Variants in FABP1 observed in about 807,000 individuals in gnomAD.
FABP1 encodes fatty acid-binding protein, liver.
A neutral mutation model predicts 13.7 loss-of-function variants in FABP1; 13 were observed. That is an observed-to-expected ratio of 0.95 (90% CI 0.62 to 1.51). The LOEUF is 1.51. Ranked by LOEUF, FABP1 falls within the 40% of genes most tolerant of loss-of-function variation. The pLI, the probability that FABP1 is intolerant of heterozygous loss-of-function variation, is 0.00. For synonymous variants in FABP1, 48 were observed against 59.8 expected, an observed-to-expected ratio of 0.80 and a Z score of 0.91; for missense variants, 140 against 155.7, an observed-to-expected ratio of 0.90 and a Z score of 0.54.
chr2:88,127,470 C>CA (rs1207049560), intron 1 of FABP1, among the ~76,000 whole-genome samples: 21 of 152,180 alleles, frequency 1.4e-4, no homozygotes, highest in African/African-American at 5.1e-4. Flanking sequence ...TGGGGTATTG[C>CA]ATATCCCATG....
chr2:88,124,448 C>T (rs766646623), intron 3 of FABP1, 46 bp downstream of exon 3: 12 of 1,450,420 alleles, frequency 8.3e-6, no homozygotes, highest in Middle Eastern at 1.8e-4. Flanking sequence ...CCTCCCCTCT[C>T]CCCTCAAGCA....
At chr2:88,126,547 C>G (rs913813381) in intron 1 of FABP1, 199 bp from the exon 2 acceptor site, 1 of 530,566 alleles carries the variant, frequency 1.9e-6, no homozygotes, top group African/African-American at 1.9e-5. Context: ...CCTGGCCTGG[C>G]CTGCTGCTAT....
intron 2 of FABP1, among the ~76,000 whole-genome samples, 163 bp from the exon 3 acceptor site, chr2:88,124,749 G>A (rs1170936911): frequency 6.6e-6 from 1 of 152,084 alleles, no homozygotes; most frequent in Non-Finnish European, 1.5e-5. Context: ...TAGAAGTGAG[G>A]TGCATTTAAG....
At chr2:88,127,822 C>T in intron 1 of FABP1, 129 bp downstream of exon 1, 1 of 935,626 alleles carries the variant, frequency 1.1e-6, no homozygotes, top group Non-Finnish European at 1.7e-6. Flanking sequence ...AGTAAAATGC[C>T]CCCTAGTTTG....
At position 88,124,509 on chromosome 2, in the gene FABP1, GC is replaced by G; in HGVS notation, c.317del (p.Gly106AlafsTer3). On this transcript the variant is annotated frameshift_variant, in exon 3 of 4. Coordinates refer to ENST00000295834, the MANE Select transcript of FABP1 (RefSeq NM_001443.3). LOFTEE classifies it high-confidence loss of function. ...ACCAACTTACATTGGTGATTATGTC[GC>G]CGTTGAGTTCGGTCACAGACTTGAT... ...KNIKSVTELNGDIITNTMTLG... is the reference protein window; with the variant it reads ...KNIKSVTELNXDIITNTMTLG... 6.2e-7 allele frequency: 1 copy of G among 1,606,234 alleles called. No homozygotes were observed.
At chr2:88,126,716 C>A (rs188875821) in intron 1 of FABP1, 54 of 182,594 alleles carry the variant, frequency 3.0e-4, no homozygotes, top group African/African-American at 1.2e-3. Context: ...CCCTGGTGAC[C>A]AGAGAGTTGA....
At position 88,126,282 on chromosome 2, in the gene FABP1, C is replaced by A. The variant is rs1290112984; in HGVS notation, c.134G>T (p.Gly45Val). ...IKGVSEIVQN[G>V]KHFKFTITAG... ...GGTGATGGTGAACTTGAAGTGCTTC[C>A]CATTCTGCACGATTTCCGACACCCC... The change falls in exon 2 of 4, where the codon GGG (glycine) becomes GTG (valine). Residue 45 changes from glycine (G) to valine (V), a missense_variant. Gly to Val is a moderately radical substitution (Grantham distance 109). Transcript: ENST00000295834. 6.2e-7 allele frequency: 1 copy of A among 1,613,964 alleles called. No homozygotes were observed. The highest frequency in any genetic ancestry group is 1.1e-5 in the South Asian group (1 of 91,048).
intron 1 of FABP1, 113 bp downstream of exon 1, chr2:88,127,838 A>G (rs1457415916): frequency 9.1e-7 from 1 of 1,093,028 alleles, no homozygotes; most frequent in Non-Finnish European, 1.4e-6. Flanking sequence ...GTTTGTGTAT[A>G]TAGCCTGAAT....
chr2:88,126,467 G>T, intron 1 of FABP1, 119 bp from the exon 2 acceptor site: 1 of 1,052,532 alleles, frequency 9.5e-7, no homozygotes, highest in South Asian at 1.5e-5. Context: ...TGTCTCCCAA[G>T]GGGCCACAGA....
intron 2 of FABP1, among the ~76,000 whole-genome samples, chr2:88,125,632 C>G (rs1675282337): frequency 6.6e-6 from 1 of 152,184 alleles, no homozygotes; most frequent in African/African-American, 2.4e-5. Flanking sequence ...TCTTATTTTA[C>G]AGATGGGGTG....
chr2:88,128,014 T>C lies in FABP1; in HGVS notation c.4A>G (p.Ser2Gly). 6.2e-7 allele frequency: 1 copy of C among 1,614,132 alleles called. No individual in the cohort carries two copies. Among genetic ancestry groups the C allele is most frequent in the Non-Finnish European group, 8.5e-7 (1 of 1,180,004 alleles). Residue 2 changes from serine (S) to glycine (G), a missense_variant, in exon 1 of 4, where the codon AGT becomes GGT. Coordinates refer to ENST00000295834, the MANE Select transcript of FABP1 (RefSeq NM_001443.3). ...TGCAGTTGGTACTTGCCGGAGAAAC[T>C]CATGGTGGCAATAGAGCTCCCTCTT... The part of the protein sequence containing the change: M[S>G]FSGKYQLQSQ...
chr2:88,124,432 G>T, intron 3 of FABP1, 62 bp downstream of exon 3: 2 of 1,317,046 alleles, frequency 1.5e-6, no homozygotes, highest in Non-Finnish European at 2.2e-6. Flanking sequence ...CGCTCCCCAT[G>T]CTTCACCTCC....
intron 1 of FABP1, chr2:88,126,621 C>T (rs1055197056): frequency 2.7e-5 from 9 of 331,270 alleles, no homozygotes; most frequent in African/African-American, 1.4e-4. Flanking sequence ...CTTGTAAGCA[C>T]CCTGGTTCTT....
rs1043010036 is a variant in FABP1, at chr2:88,122,990, T to A, written c.*64A>T. ...AAGGCATTGAGAAGACATTTTTTTT[T>A]AAAACAAAGTTCACTTTATTACATT... On this transcript the variant is annotated 3_prime_UTR_variant, in exon 4 of 4. Coordinates refer to ENST00000295834, the MANE Select transcript of FABP1 (RefSeq NM_001443.3). The A allele has an allele frequency of 4.0e-5, 55 of 1,375,596 alleles. No homozygotes were observed. Among genetic ancestry groups the A allele is most frequent in the Admixed American group, 1.5e-4 (7 of 47,960 alleles). The allele number at this position is 1,375,596 out of a possible 1,614,324, so 85.2% of individuals were successfully genotyped here. A position where few individuals can be genotyped will look rare whatever the true frequency, so the allele number is the denominator to read the frequency against.
Position 88,126,160 on chromosome 2 carries a change from A to G in FABP1, c.240+16T>C, listed in dbSNP as rs1270513009. 6.3e-7 allele frequency: 1 copy of G among 1,590,878 alleles called. No homozygotes were observed. The highest frequency in any genetic ancestry group is 8.6e-7 in the Non-Finnish European group (1 of 1,162,146). On this transcript the variant is annotated intron_variant, in intron 2 of 3. Transcript: ENST00000295834. ...TTCCAAGGAAAGTTCTGACAGCAGA[A>G]GGGATGCCCTCCTACCTTGACTTTC...
chr2:88,127,659 T>C (rs1412555421), intron 1 of FABP1, among the ~76,000 whole-genome samples: 3 of 152,176 alleles, frequency 2.0e-5, no homozygotes, highest in Admixed American at 6.5e-5. Flanking sequence ...CACTGTTTGT[T>C]TGAAGAATGA....
Position 88,123,327 on chromosome 2 carries a change from A to G in FABP1, c.334-223T>C, listed in dbSNP as rs912183193. 3 of 545,536 alleles carry G rather than the reference A, an allele frequency of 5.5e-6. No individual in the cohort carries two copies. In the African/African-American group the frequency reaches 5.8e-5, roughly 10 times the overall value. 33.8% of individuals were successfully genotyped at this position (545,536 alleles called of 1,614,324 possible). A position where few individuals can be genotyped will look rare whatever the true frequency, so the allele number is the denominator to read the frequency against. Reference sequence around the variant, plus strand: ...TTTGTCACTTCTCCTCCTCACCTGGAAAGTCCTCCTGCCTTTGACTGAATT... The same window carrying G: ...TTTGTCACTTCTCCTCCTCACCTGGGAAGTCCTCCTGCCTTTGACTGAATT... On this transcript the variant is annotated intron_variant, in intron 3 of 3. Coordinates refer to ENST00000295834, the MANE Select transcript of FABP1 (RefSeq NM_001443.3).
chr2:88,126,096 T>G, intron 2 of FABP1, 80 bp downstream of exon 2: 115 of 1,437,386 alleles, frequency 8.0e-5, no homozygotes, highest in Non-Finnish European at 1.0e-4. Context: ...GGTGGAATTG[T>G]GAGGTTTGAG....
intron 1 of FABP1, among the ~76,000 whole-genome samples, chr2:88,127,389 G>T (rs1313385507): frequency 6.6e-6 from 1 of 152,092 alleles, no homozygotes; most frequent in Non-Finnish European, 1.5e-5. Flanking sequence ...AAACCTTTCT[G>T]GGCTTCAGTT....
Sources: allele counts gnomAD v4.1 joint callset (sites outside exome capture counted in the v4.1 genomes callset), GRCh38; gene constraint gnomAD v4.1.1; transcripts MANE v1.5; gene names NCBI Gene and HGNC (gene_info 2026-07-23, HGNC 2026-07-21).